The following PLXNA4 variants were observed in gnomAD, a reference collection of about 807,000 sequenced individuals.
PLXNA4 encodes the protein plexin A4.
A neutral mutation model predicts 191.8 loss-of-function variants in PLXNA4; 44 were observed. The ratio of observed to expected loss-of-function variants is 0.23; its 90% CI spans 0.18 to 0.29. PLXNA4 has a LOEUF of 0.29. Among genes scored for constraint, PLXNA4 ranks in the 10% least tolerant of loss-of-function variants. The probability of loss-of-function intolerance (pLI) is 1.00; values close to 1 mark genes in which losing one functional copy is unlikely to be tolerated. For synonymous variants in PLXNA4, 1,082 were observed against 1,009.5 expected (o/e 1.07, Z -1.36); for missense variants, 1,800 against 2,488.8 (o/e 0.72, Z 5.89).
At chr7:132,635,336 C>T (rs1258061717) in intron 2 of PLXNA4, among the ~76,000 whole-genome samples, 2 of 151,998 alleles carry the variant, frequency 1.3e-5, no homozygotes, top group African/African-American at 2.4e-5. Flanking sequence ...AATGCCAGCA[C>T]AGCACCTGGC....
chr7:132,363,248 G>C (rs1804019922), intron 3 of PLXNA4, among the ~76,000 whole-genome samples: 3 of 152,188 alleles, frequency 2.0e-5, no homozygotes, highest in Admixed American at 1.3e-4. Flanking sequence ...GCCTCCCAAA[G>C]TGTTGTGATT....
At chr7:132,518,547 G>A (rs1799036127) in intron 1 of PLXNA4, among the ~76,000 whole-genome samples, 1 of 152,220 alleles carries the variant, frequency 6.6e-6, no homozygotes, top group Non-Finnish European at 1.5e-5. Context: ...TATAAAAGAT[G>A]GGGAAGAGGG....
At chr7:132,528,148 G>A (rs1043124632) in intron 1 of PLXNA4, among the ~76,000 whole-genome samples, 14 of 152,292 alleles carry the variant, frequency 9.2e-5, no homozygotes, top group South Asian at 6.2e-4. Context: ...TGGTCGGCTC[G>A]GAGAACAGAG....
At chr7:132,486,634 G>A (rs189267097) in intron 3 of PLXNA4, among the ~76,000 whole-genome samples, 93 of 152,320 alleles carry the variant, frequency 6.1e-4, no homozygotes, top group African/African-American at 2.0e-3. Context: ...TGACCCTTGC[G>A]CTCTTACCTT....
chr7:132,216,598 T>G (rs1279856346), intron 9 of PLXNA4, among the ~76,000 whole-genome samples: 2 of 152,212 alleles, frequency 1.3e-5, no homozygotes, highest in Non-Finnish European at 2.9e-5. Flanking sequence ...AAGCATTCAA[T>G]TCAGTGTCCA....
chr7:132,595,669 A>G (rs780158624), intron 2 of PLXNA4, among the ~76,000 whole-genome samples: 2 of 152,200 alleles, frequency 1.3e-5, no homozygotes, highest in South Asian at 2.1e-4. Flanking sequence ...CAGTCAGTAC[A>G]TTGGTGACCC....
At chr7:132,293,538 G>A (rs1178716851) in intron 4 of PLXNA4, among the ~76,000 whole-genome samples, 1 of 152,162 alleles carries the variant, frequency 6.6e-6, no homozygotes, top group Non-Finnish European at 1.5e-5. Flanking sequence ...AGATTTAGGT[G>A]GGGACACAGC....
At position 132,442,772 on chromosome 7, in the gene PLXNA4, C is replaced by T. The variant is rs550753730; in HGVS notation, c.1371+46520G>A. Among the ~76,000 whole-genome samples, 42 of 152,350 alleles carry T rather than the reference C, an allele frequency of 2.8e-4. No homozygotes were observed. In the South Asian group the frequency reaches 8.1e-3, roughly 29 times the overall value. On this transcript the variant is annotated intron_variant, in intron 3 of 31. Coordinates refer to ENST00000321063, the MANE Select transcript of PLXNA4 (RefSeq NM_020911.2). ...AGGCATTAAGCAAGTAACCAAGCTGCCCGCATCAGCAATACCTTCTGGCCC... is the reference window on the plus strand; with the variant it reads ...AGGCATTAAGCAAGTAACCAAGCTGTCCGCATCAGCAATACCTTCTGGCCC...
chr7:132,176,106 C>A (rs1293634659), intron 20 of PLXNA4, among the ~76,000 whole-genome samples: 3 of 152,126 alleles, frequency 2.0e-5, no homozygotes, highest in Non-Finnish European at 2.9e-5. Flanking sequence ...GGGTGGAGCT[C>A]CACCCAGCAG....
chr7:132,475,438 T>C (rs151329904), intron 3 of PLXNA4, among the ~76,000 whole-genome samples: 1 of 152,188 alleles, frequency 6.6e-6, no homozygotes, highest in Non-Finnish European at 1.5e-5. Context: ...GAGATAGAGA[T>C]GAACTTCATT....
intron 3 of PLXNA4, among the ~76,000 whole-genome samples, chr7:132,424,647 T>A (rs1311281589): frequency 6.6e-6 from 1 of 152,166 alleles, no homozygotes; most frequent in Non-Finnish European, 1.5e-5. Flanking sequence ...CCATTCCATT[T>A]GTAATTGTCC....
intron 3 of PLXNA4, among the ~76,000 whole-genome samples, chr7:132,385,726 G>T (rs985983221): frequency 6.6e-6 from 1 of 152,138 alleles, no homozygotes; most frequent in South Asian, 2.1e-4. Flanking sequence ...GCACACACAC[G>T]CGTGCGCATG....
Position 132,394,456 on chromosome 7 carries a change from G to A in PLXNA4, c.1371+94836C>T, listed in dbSNP as rs763397535. 2.0e-5 allele frequency among the ~76,000 whole-genome samples: 3 copies of A among 152,162 alleles called. No individual in the cohort carries two copies. The South Asian group carries it at 6.2e-4, about 32-fold the overall frequency. ...CCACAAATAGGCTATATGACTTTGG[G>A]CAAGTCACTTCACCTCTCTGACCCT... On this transcript the variant is annotated intron_variant, in intron 3 of 31. Coordinates refer to ENST00000321063, the MANE Select transcript of PLXNA4 (RefSeq NM_020911.2).
intron 3 of PLXNA4, among the ~76,000 whole-genome samples, chr7:132,322,564 C>T (rs1385800261): frequency 6.6e-6 from 1 of 152,194 alleles, no homozygotes; most frequent in African/African-American, 2.4e-5. Flanking sequence ...TTATCCCACA[C>T]AGCAAGAAGG....
chr7:132,521,725 A>G (rs1232681368), intron 1 of PLXNA4, among the ~76,000 whole-genome samples: 1 of 152,184 alleles, frequency 6.6e-6, no homozygotes, highest in Admixed American at 6.5e-5. Context: ...CGGGCACAGA[A>G]GGGTGAAGCA....
intron 3 of PLXNA4, among the ~76,000 whole-genome samples, chr7:132,346,278 G>A (rs549818835): frequency 4.5e-4 from 69 of 152,300 alleles, no homozygotes; most frequent in Non-Finnish European, 7.8e-4. Context: ...CATGCCTTAC[G>A]AGTACAAAGG....
chr7:132,485,938 C>A (rs1279379758), intron 3 of PLXNA4, among the ~76,000 whole-genome samples: 1 of 152,114 alleles, frequency 6.6e-6, no homozygotes, highest in Admixed American at 6.5e-5. Context: ...GCCTTTCAAG[C>A]AAAATAAAAA....
At chr7:132,451,213 C>A (rs1020031992) in intron 3 of PLXNA4, among the ~76,000 whole-genome samples, 2 of 152,194 alleles carry the variant, frequency 1.3e-5, no homozygotes, top group African/African-American at 4.8e-5. Context: ...CCACGCTGGT[C>A]CAGAAGTCTT....
At chr7:132,137,094 A>G (rs971045555) in intron 30 of PLXNA4, among the ~76,000 whole-genome samples, 2 of 152,212 alleles carry the variant, frequency 1.3e-5, no homozygotes, top group Admixed American at 6.5e-5. Context: ...TGAATTAATG[A>G]ATATGTTAAT....
Sources: gnomAD v4.1 joint callset for allele counts (sites outside exome capture counted in the v4.1 genomes callset) on GRCh38, gnomAD v4.1.1 for gene constraint, MANE v1.5 for transcripts, NCBI Gene and HGNC (gene_info 2026-07-23, HGNC 2026-07-21) for gene names.